The following RANBP2 variants were observed in gnomAD, a reference collection of about 807,000 sequenced individuals.
The protein encoded by RANBP2 is E3 SUMO-protein ligase RanBP2.
Under a neutral mutation model 303.6 loss-of-function variants are expected in RANBP2, and 57 were observed. That is an observed-to-expected ratio of 0.19 (90% confidence interval 0.15 to 0.23). The LOEUF is 0.23. Among genes scored for constraint, RANBP2 ranks in the 10% least tolerant of loss-of-function variants. The pLI, the probability that RANBP2 is intolerant of heterozygous loss-of-function variation, is 1.00. For missense variants in RANBP2, 3,138 were observed against 3,780.8 expected (o/e 0.83, Z 4.46); for synonymous variants, 1,167 against 1,301.5 (o/e 0.90, Z 2.23).
chr2:108,832,986 A>G, the RANBP2 span, among the ~76,000 whole-genome samples: 1 of 152,210 alleles, frequency 6.6e-6, no homozygotes, highest in Non-Finnish European at 1.5e-5. Context: ...GACACCTTAA[A>G]TGCACATTGC....
chr2:109,249,507 TTCATTC>T, the RANBP2 span, among the ~76,000 whole-genome samples: 1 of 54,368 alleles, frequency 1.8e-5, no homozygotes, highest in Non-Finnish European at 3.6e-5. Context: ...CTTTCTTTCT[TTCATTC>T]TTTCTTTTTC....
the RANBP2 span, among the ~76,000 whole-genome samples, chr2:109,300,472 G>A: frequency 4.2e-3 from 634 of 152,272 alleles, 8 homozygotes; most frequent in African/African-American, 0.014. Flanking sequence ...GAGCCACTGC[G>A]CCCATCCGCA....
the RANBP2 span, among the ~76,000 whole-genome samples, chr2:109,209,542 C>A: frequency 1.3e-5 from 2 of 152,098 alleles, no homozygotes; most frequent in African/African-American, 2.4e-5. Context: ...AGTGTGTTAT[C>A]TGAGGAAAGT....
At chr2:109,723,954 AC>A in the RANBP2 span, among the ~76,000 whole-genome samples, 415 of 152,312 alleles carry the variant, frequency 2.7e-3, 2 homozygotes, top group Non-Finnish European at 4.9e-3. Context: ...GTAAGGTGTA[AC>A]AAAGGGGCCC....
At chr2:108,944,469 A>G in the RANBP2 span, among the ~76,000 whole-genome samples, 25 of 152,214 alleles carry the variant, frequency 1.6e-4, no homozygotes, top group Non-Finnish European at 3.2e-4. Context: ...GGCTGCGGCA[A>G]CAATGGCCAT....
the RANBP2 span, among the ~76,000 whole-genome samples, chr2:109,743,705 G>T: frequency 2.1e-5 from 2 of 94,328 alleles, 1 homozygote; most frequent in African/African-American, 5.9e-5. Flanking sequence ...CTGATGTTTG[G>T]GGTATGAACG....
chr2:109,513,046 C>A, the RANBP2 span, among the ~76,000 whole-genome samples: 1 of 152,196 alleles, frequency 6.6e-6, no homozygotes, highest in African/African-American at 2.4e-5. Flanking sequence ...GGTGCAAGGC[C>A]CGAAGGAGCC....
chr2:109,027,682 G>T, the RANBP2 span, among the ~76,000 whole-genome samples: 1 of 146,726 alleles, frequency 6.8e-6, no homozygotes, highest in Admixed American at 6.9e-5. Context: ...GCGTCGTTAT[G>T]ACTATGGGGA....
At chr2:109,527,971 C>G in the RANBP2 span, among the ~76,000 whole-genome samples, 1 of 152,162 alleles carries the variant, frequency 6.6e-6, no homozygotes, top group African/African-American at 2.4e-5. Flanking sequence ...AGTGGAGACC[C>G]CTGCAGCCAG....
At chr2:109,669,352 T>G in the RANBP2 span, among the ~76,000 whole-genome samples, 3 of 151,994 alleles carry the variant, frequency 2.0e-5, no homozygotes, top group Non-Finnish European at 4.4e-5. Flanking sequence ...TAAAAAGCTT[T>G]CAGCACAGCA....
the RANBP2 span, among the ~76,000 whole-genome samples, chr2:109,354,738 C>G: frequency 6.6e-6 from 1 of 152,364 alleles, no homozygotes; most frequent in South Asian, 2.1e-4. Flanking sequence ...CACCCTGCCC[C>G]GCAGCCTCTG....
At position 108,754,967 on chromosome 2, in the gene RANBP2, C is replaced by T. The variant is rs1676184180; in HGVS notation, c.2265C>T (p.Asp755=). ...MLNSVMQELE[D]YSEGGPLYKN... ...ATTCAGTCATGCAGGAACTCGAAGACTATAGTGAAGGAGGTCCTCTCTATA... is the reference window on the plus strand; with the variant it reads ...ATTCAGTCATGCAGGAACTCGAAGATTATAGTGAAGGAGGTCCTCTCTATA... Residue 755 remains aspartate, a synonymous_variant, in exon 16 of 29, where the codon GAC becomes GAT. Coordinates refer to ENST00000283195, the MANE Select transcript of RANBP2 (RefSeq NM_006267.5). 4 of 1,611,710 alleles carry T rather than the reference C, an allele frequency of 2.5e-6. No individual in the cohort carries two copies. The highest frequency in any genetic ancestry group is 3.3e-5 in the Admixed American group (2 of 59,980).
chr2:109,315,351 C>T, the RANBP2 span, among the ~76,000 whole-genome samples: 1 of 152,318 alleles, frequency 6.6e-6, no homozygotes, highest in African/African-American at 2.4e-5. Context: ...AGGTAAAGTG[C>T]TTTGTTCATT....
the RANBP2 span, among the ~76,000 whole-genome samples, chr2:109,676,313 C>G: frequency 6.6e-6 from 1 of 152,182 alleles, no homozygotes; most frequent in East Asian, 1.9e-4. Context: ...TCCCAGTGCC[C>G]GCCTCCACTG....
chr2:109,221,818 C>T, the RANBP2 span, among the ~76,000 whole-genome samples: 1 of 152,024 alleles, frequency 6.6e-6, no homozygotes, highest in Non-Finnish European at 1.5e-5. Flanking sequence ...AAAACGAAAA[C>T]TAGAACTATC....
the RANBP2 span, among the ~76,000 whole-genome samples, chr2:109,411,951 C>G: frequency 6.6e-6 from 1 of 152,236 alleles, no homozygotes; most frequent in African/African-American, 2.4e-5. Context: ...CTCCTGCTGT[C>G]TTTAGGGACA....
chr2:109,345,531 G>C, the RANBP2 span, among the ~76,000 whole-genome samples: 23,830 of 152,078 alleles, frequency 0.16, 1,970 homozygotes, highest in Middle Eastern at 0.23. Context: ...GGGAAATGGA[G>C]TCATTCCCTG....
At chr2:108,924,332 T>G in the RANBP2 span, among the ~76,000 whole-genome samples, 2 of 152,178 alleles carry the variant, frequency 1.3e-5, no homozygotes, top group East Asian at 3.9e-4. Context: ...CACCACCCTC[T>G]CCTTGGGGCT....
At chr2:109,078,977 C>T in the RANBP2 span, among the ~76,000 whole-genome samples, 18 of 151,140 alleles carry the variant, frequency 1.2e-4, no homozygotes, top group Non-Finnish European at 1.8e-4. Context: ...GGCAACGGAG[C>T]GAGACTCTGT....
Sources: allele counts gnomAD v4.1 joint callset (sites outside exome capture counted in the v4.1 genomes callset), GRCh38; gene constraint gnomAD v4.1.1; transcripts MANE v1.5; gene names NCBI Gene and HGNC (gene_info 2026-07-23, HGNC 2026-07-21).